Variants in PNPLA6 observed in about 807,000 individuals in gnomAD.
The protein encoded by PNPLA6 is patatin like domain 6, lysophospholipase.
Under a neutral mutation model 153.7 loss-of-function variants are expected in PNPLA6, and 105 were observed. The observed-to-expected ratio is 0.68, with a 90% CI of 0.58 to 0.80. The LOEUF (loss-of-function observed/expected upper bound fraction) is 0.80, where lower values mean the gene tolerates loss of function less well. Among genes scored for constraint, PNPLA6 ranks in the 30% least tolerant of loss-of-function variants. The probability of loss-of-function intolerance (pLI) is 0.00; values close to 1 mark genes in which losing one functional copy is unlikely to be tolerated. For missense variants in PNPLA6, 1,423 were observed against 1,919.3 expected (o/e 0.74, Z 4.83); for synonymous variants, 825 against 822.2 (o/e 1.00, Z -0.06).
At position 7,561,284 on chromosome 19, in the gene PNPLA6, C is replaced by A. The variant is rs535388759; in HGVS notation, c.3990C>A (p.Pro1330=). ...GCTCGAGGGATGAAGGGGGGTCCCC[C>A]GAGGGCGCAAGCCCCAGCACTGCCT... The part of the protein sequence containing the change: ...PDCSRDEGGS[P]EGASPSTASE... Residue 1330 remains proline, a synonymous_variant, in exon 31 of 32, where the codon CCC becomes CCA. Transcript: ENST00000600737. 6.2e-7 allele frequency: 1 copy of A among 1,608,642 alleles called. No homozygotes were observed. Among genetic ancestry groups the A allele is most frequent in the Non-Finnish European group, 8.5e-7 (1 of 1,178,422 alleles).
chr19:7,547,691 G>C (rs889952199), intron 13 of PNPLA6, among the ~76,000 whole-genome samples: 4 of 152,124 alleles, frequency 2.6e-5, no homozygotes, highest in African/African-American at 9.6e-5. Flanking sequence ...AGGCTGGAGT[G>C]TAGTGACGCT....
chr19:7,540,882 G>C lies in PNPLA6; in HGVS notation c.796-41G>C. 6.2e-7 allele frequency: 1 copy of C among 1,612,570 alleles called. No individual in the cohort carries two copies. The highest frequency in any genetic ancestry group is 8.5e-7 in the Non-Finnish European group (1 of 1,179,708). The stretch of plus-strand genomic sequence containing the variant: ...AGGGGAGTAGCGAGGGGGACTCGCA[G>C]CCTCTGCCCTTGTCTCTCTTCACGC... On this transcript the variant is annotated intron_variant, in intron 6 of 31. Transcript: ENST00000600737. This position sits in a 1 kb window ranked among gnomAD's most constrained non-coding sequence, Gnocchi z 6.8.
Position 7,554,666 on chromosome 19 carries a change from A to G in PNPLA6, c.2577A>G (p.Arg859=), listed in dbSNP as rs753211664. ...CGCCCTGGACCGTGCGCTGCCTGCG[A>G]CAGGCCGACTGCATCCTCATTGTGG... ...SLTPWTVRCL[R]QADCILIVGL... Residue 859 remains arginine (R), a synonymous_variant, in exon 21 of 32, where the codon CGA becomes CGG. Coordinates refer to ENST00000600737, the MANE Select transcript of PNPLA6 (RefSeq NM_001166114.2). The G allele has an allele frequency of 1.2e-6, 2 of 1,613,826 alleles. No homozygotes were observed. Among genetic ancestry groups the G allele is most frequent in the South Asian group, 1.1e-5 (1 of 91,070 alleles).
chr19:7,553,141 C>A (rs980141015), intron 18 of PNPLA6, among the ~76,000 whole-genome samples: 2 of 152,156 alleles, frequency 1.3e-5, no homozygotes, highest in Non-Finnish European at 2.9e-5. Context: ...AAGGAGGCAA[C>A]AAGAGGTCTA....
At chr19:7,550,276 C>A (rs1367831073) in intron 14 of PNPLA6, 22 bp from the exon 15 acceptor site, 1 of 1,612,930 alleles carries the variant, frequency 6.2e-7, no homozygotes, top group Admixed American at 1.7e-5. Flanking sequence ...CTTCCTCTTT[C>A]ATCCCAAGTC....
At chr19:7,543,176 C>G in intron 13 of PNPLA6, 92 bp downstream of exon 13, 1 of 1,094,172 alleles carries the variant, frequency 9.1e-7, no homozygotes, top group Non-Finnish European at 1.4e-6. Context: ...ACTGTAAGAC[C>G]AGCACCTTCT....
At position 7,540,106 on chromosome 19, in the gene PNPLA6, C is replaced by T. The variant is rs761091412; in HGVS notation, c.555-43C>T. On this transcript the variant is annotated intron_variant, in intron 4 of 31. Coordinates refer to ENST00000600737, the MANE Select transcript of PNPLA6 (RefSeq NM_001166114.2). The surrounding 1 kb of genome is among the most constrained non-coding windows in gnomAD (Gnocchi z 6.8). Reference sequence around the variant, plus strand: ...GGGTGGAGGGCTGCAGACGTGGGGCCGCCCTGACCTCCAGCCTCTGTCGCC... The same window carrying T: ...GGGTGGAGGGCTGCAGACGTGGGGCTGCCCTGACCTCCAGCCTCTGTCGCC... The T allele has an allele frequency of 7.4e-6, 12 of 1,613,646 alleles. No homozygotes were observed. The highest frequency in any genetic ancestry group is 2.2e-5 in the East Asian group (1 of 44,874).
Position 7,549,872 on chromosome 19 carries a change from G to A in PNPLA6, c.1609-35G>A, listed in dbSNP as rs756848032. 8 of 1,603,892 alleles carry A rather than the reference G, an allele frequency of 5.0e-6. No individual in the cohort carries two copies. In the Admixed American group the frequency reaches 1.2e-4, roughly 23 times the overall value. On this transcript the variant is annotated intron_variant, in intron 13 of 31. Transcript: ENST00000600737. ...ACCTGAGCTGGGGTCCACGCTGTCC[G>A]GGTTCTGTGTTCATCACATCCCCTG...
Position 7,540,817 on chromosome 19 carries a change from C to T in PNPLA6, c.796-106C>T. 6.4e-7 allele frequency: 1 copy of T among 1,562,330 alleles called. No homozygotes were observed. Among genetic ancestry groups the T allele is most frequent in the Non-Finnish European group, 8.8e-7 (1 of 1,133,422 alleles). On this transcript the variant is annotated intron_variant, in intron 6 of 31. Coordinates refer to ENST00000600737, the MANE Select transcript of PNPLA6 (RefSeq NM_001166114.2). This position sits in a 1 kb window ranked among gnomAD's most constrained non-coding sequence, Gnocchi z 6.8. ...CCCAATCTCTGGTTCATCCGTTATGCTGCCGATGGCCCCTCACGGGACTGG... is the reference window on the plus strand; with the variant it reads ...CCCAATCTCTGGTTCATCCGTTATGTTGCCGATGGCCCCTCACGGGACTGG...
chr19:7,548,952 G>A (rs1420381668), intron 13 of PNPLA6, among the ~76,000 whole-genome samples: 3 of 149,900 alleles, frequency 2.0e-5, no homozygotes, highest in South Asian at 4.2e-4. Context: ...ACAGGCGCCC[G>A]CCACCACGCC....
chr19:7,550,513 T>A lies in PNPLA6; in HGVS notation c.1947-4T>A, dbSNP rs1345358439. 18 of 1,612,886 alleles carry A rather than the reference T, an allele frequency of 1.1e-5. No homozygotes were observed. Among genetic ancestry groups the A allele is most frequent in the Non-Finnish European group, 1.5e-5 (18 of 1,179,908 alleles). ...AGACCTTGCTGACCTCCACGCCCAC[T>A]CAGGCAGGGCGACCGCTCCGACTGC... On this transcript the variant is annotated splice_region_variant and splice_polypyrimidine_tract_variant and intron_variant, in intron 15 of 31. Coordinates refer to ENST00000600737, the MANE Select transcript of PNPLA6 (RefSeq NM_001166114.2).
Position 7,555,657 on chromosome 19 carries a change from C to T in PNPLA6, c.2987C>T (p.Pro996Leu), listed in dbSNP as rs2146105470. Residue 996 changes from proline (P) to leucine (L), a missense_variant, in exon 24 of 32, where the codon CCC becomes CTC. Physicochemically the swap from Pro to Leu is moderately conservative, Grantham distance 98 (BLOSUM62 -3). This residue lies in a region of PNPLA6 where 643 missense variants were observed against 835.2 expected (regional missense o/e 0.77). Transcript: ENST00000600737. This position sits in a 1 kb window ranked among gnomAD's most constrained non-coding sequence, Gnocchi z 6.3. The part of the protein sequence containing the change: ...VLKALEEAGV[P>L]VDLVGGTSIG... ...AAGGCATTAGAGGAGGCGGGGGTCC[C>T]CGTGGACCTGGTGGGCGGCACGTCC... 6.2e-7 allele frequency: 1 copy of T among 1,613,166 alleles called. No homozygotes were observed. The highest frequency in any genetic ancestry group is 8.5e-7 in the Non-Finnish European group (1 of 1,179,828).
Position 7,555,722 on chromosome 19 carries a change from A to G in PNPLA6, c.3052A>G (p.Ser1018Gly). ...FIGALYAEER[S>G]ASRTKQRARE... ...CGGAGCGTTGTACGCGGAGGAGCGC[A>G]GCGCCAGCCGCACGAAGCAGCGGGC... Residue 1018 changes from serine (S) to glycine (G), a missense_variant, in exon 24 of 32, where the codon AGC becomes GGC. By Grantham distance (56) the Ser-to-Gly change is moderately conservative (BLOSUM62 0). Transcript: ENST00000600737. This position sits in a 1 kb window ranked among gnomAD's most constrained non-coding sequence, Gnocchi z 6.3. 1 of 1,613,806 alleles carries G rather than the reference A, an allele frequency of 6.2e-7. No homozygotes were observed. Among genetic ancestry groups the G allele is most frequent in the Non-Finnish European group, 8.5e-7 (1 of 1,179,854 alleles).
At position 7,554,540 on chromosome 19, in the gene PNPLA6, C is replaced by T. The variant is rs752644597; in HGVS notation, c.2466-15C>T. ...AGGCCAACCCCAGGATGACGCTGCCCCCTTCCCACCCTAGCATCCAAGAGT... is the reference window on the plus strand; with the variant it reads ...AGGCCAACCCCAGGATGACGCTGCCTCCTTCCCACCCTAGCATCCAAGAGT... On this transcript the variant is annotated splice_polypyrimidine_tract_variant and intron_variant, in intron 20 of 31. Coordinates refer to ENST00000600737, the MANE Select transcript of PNPLA6 (RefSeq NM_001166114.2). 2 of 1,613,994 alleles carry T rather than the reference C, an allele frequency of 1.2e-6. No homozygotes were observed. Among genetic ancestry groups the T allele is most frequent in the Non-Finnish European group, 1.7e-6 (2 of 1,179,966 alleles).
At chr19:7,549,157 A>C (rs2146083609) in intron 13 of PNPLA6, among the ~76,000 whole-genome samples, 1 of 148,398 alleles carries the variant, frequency 6.7e-6, no homozygotes, top group African/African-American at 2.5e-5. Flanking sequence ...TTATATCCAA[A>C]GTCTTTATTC....
chr19:7,543,593 C>T (rs2023253026), intron 13 of PNPLA6, among the ~76,000 whole-genome samples: 1 of 152,100 alleles, frequency 6.6e-6, no homozygotes, highest in Non-Finnish European at 1.5e-5. Context: ...TATGGGGAAA[C>T]TGAGGCCCAT....
chr19:7,556,580 C>G lies in PNPLA6; in HGVS notation c.3210+11C>G, dbSNP rs745647357. ...GATAAGCAGATTGAGGTAGGCCCAC[C>G]TCATCCCCTGCCCTGCCTACCCCTC... is the stretch of plus-strand genomic sequence containing the variant. On this transcript the variant is annotated intron_variant, in intron 25 of 31. Transcript: ENST00000600737. 6.3e-7 allele frequency: 1 copy of G among 1,596,574 alleles called. No homozygotes were observed. Among genetic ancestry groups the G allele is most frequent in the Admixed American group, 1.7e-5 (1 of 59,978 alleles).
chr19:7,535,932 G>C lies in PNPLA6; in HGVS notation c.144G>C (p.Gln48His). ...CGAQPVPFVP[Q>H]VLGVMIGAGV... ...CGCAGCCAGTGCCGTTCGTCCCTCA[G>C]GTGCTTGGCGTGATGATCGGGGCCG... Residue 48 changes from glutamine (Q) to histidine (H), a missense_variant, in exon 1 of 32, where the codon CAG becomes CAC. By Grantham distance (24) the Gln-to-His change is conservative. Coordinates refer to ENST00000600737, the MANE Select transcript of PNPLA6 (RefSeq NM_001166114.2). The surrounding 1 kb of genome is among the most constrained non-coding windows in gnomAD (Gnocchi z 5.0). 6.3e-7 allele frequency: 1 copy of C among 1,581,142 alleles called. No individual in the cohort carries two copies. The highest frequency in any genetic ancestry group is 8.6e-7 in the Non-Finnish European group (1 of 1,169,004).
chr19:7,559,762 C>T lies in PNPLA6; in HGVS notation c.3699+611C>T, dbSNP rs554736605. On this transcript the variant is annotated intron_variant, in intron 28 of 31. Transcript: ENST00000600737. Reference sequence around the variant, plus strand: ...AGGGGGCTGAGGTGGGAGGACCGCTCGAGCCCAGGAGTTTGAAGCTGCAGT... The same window carrying T: ...AGGGGGCTGAGGTGGGAGGACCGCTTGAGCCCAGGAGTTTGAAGCTGCAGT... 3.3e-5 allele frequency among the ~76,000 whole-genome samples: 5 copies of T among 152,064 alleles called. No homozygotes were observed. In the East Asian group the frequency reaches 5.8e-4, roughly 18 times the overall value.
Sources: allele counts gnomAD v4.1 joint callset (sites outside exome capture counted in the v4.1 genomes callset), GRCh38; gene constraint gnomAD v4.1.1; regional missense constraint gnomAD v4.1.1; non-coding constraint Gnocchi (gnomAD v3.1); transcripts MANE v1.5; gene names NCBI Gene and HGNC (gene_info 2026-07-23, HGNC 2026-07-21).